The following PTPN13 variants were observed in gnomAD, a reference collection of about 807,000 sequenced individuals.
PTPN13 encodes the protein tyrosine-protein phosphatase non-receptor type 13.
In PTPN13, 191 loss-of-function variants were observed where a neutral mutation model predicts 284.0. The ratio of observed to expected loss-of-function variants is 0.67; its 90% CI spans 0.60 to 0.76. The LOEUF is 0.76. Among genes scored for constraint, PTPN13 ranks in the 30% least tolerant of loss-of-function variants. The pLI, the probability that PTPN13 is intolerant of heterozygous loss-of-function variation, is 0.00. For missense variants in PTPN13, 2,797 were observed against 2,939.9 expected, an observed-to-expected ratio of 0.95 and a Z score of 1.12; for synonymous variants, 986 against 1,022.3, an observed-to-expected ratio of 0.96 and a Z score of 0.68.
intron 10 of PTPN13, among the ~76,000 whole-genome samples, chr4:86,727,956 C>G (rs1344554368): frequency 1.3e-5 from 2 of 149,566 alleles, no homozygotes; most frequent in African/African-American, 2.4e-5. Flanking sequence ...GCATTTAGTG[C>G]TATAAATTTC....
chr4:86,627,114 A>G (rs890217277), intron 1 of PTPN13, among the ~76,000 whole-genome samples: 2 of 152,132 alleles, frequency 1.3e-5, no homozygotes, highest in Non-Finnish European at 2.9e-5. Flanking sequence ...GTCATTTAGG[A>G]CAAGTACTAA....
At chr4:86,708,870 C>T (rs1440447207) in intron 7 of PTPN13, among the ~76,000 whole-genome samples, 2 of 151,826 alleles carry the variant, frequency 1.3e-5, no homozygotes, top group East Asian at 3.9e-4. Context: ...TTATATCTCT[C>T]CTCTCATCTT....
At chr4:86,640,053 CAG>C (rs1004428400) in intron 2 of PTPN13, among the ~76,000 whole-genome samples, 1 of 152,100 alleles carries the variant, frequency 6.6e-6, no homozygotes, top group African/African-American at 2.4e-5. Flanking sequence ...GGTCTAGAGA[CAG>C]GGGAAGAGTG....
chr4:86,717,487 G>GT (rs900174360), intron 9 of PTPN13, among the ~76,000 whole-genome samples: 2 of 151,802 alleles, frequency 1.3e-5, no homozygotes, highest in African/African-American at 2.4e-5. Flanking sequence ...AGTAGAATTT[G>GT]TTTTTTTACT....
Position 86,624,210 on chromosome 4 carries a change from C to A in PTPN13, c.-5-11042C>A, listed in dbSNP as rs573072422. 2.2e-3 allele frequency among the ~76,000 whole-genome samples: 336 copies of A among 152,088 alleles called. 2 individuals are homozygous for A. The highest frequency in any genetic ancestry group is 7.9e-3 in the African/African-American group (326 of 41,476). On this transcript the variant is annotated intron_variant, in intron 1 of 47. Transcript: ENST00000411767. The stretch of plus-strand genomic sequence containing the variant: ...TTTATACTGCATAGACCCCATAATC[C>A]TTCCCCACAATAACTCCTGCCACAA...
At chr4:86,614,973 A>T (rs535041056) in intron 1 of PTPN13, among the ~76,000 whole-genome samples, 1 of 152,124 alleles carries the variant, frequency 6.6e-6, no homozygotes, top group African/African-American at 2.4e-5. Context: ...TTATTAACTA[A>T]CAAGTTTGAA....
chr4:86,644,254 C>A (rs764199021), intron 2 of PTPN13, among the ~76,000 whole-genome samples: 19 of 152,024 alleles, frequency 1.2e-4, no homozygotes, highest in Non-Finnish European at 2.1e-4. Context: ...GCCTCAGCCT[C>A]CCAAGTAGCT....
At chr4:86,714,793 G>C (rs1001045450) in intron 7 of PTPN13, among the ~76,000 whole-genome samples, 7 of 152,162 alleles carry the variant, frequency 4.6e-5, no homozygotes, top group African/African-American at 1.7e-4. Context: ...GTACTTGCTA[G>C]ACTAGGTACT....
At position 86,681,033 on chromosome 4, in the gene PTPN13, G is replaced by GTGATGATGATGA. The variant is rs369292424; in HGVS notation, c.295-5671_295-5660dup. Among the ~76,000 whole-genome samples, 19 of 152,158 alleles carry GTGATGATGATGA rather than the reference G, an allele frequency of 1.2e-4. No individual in the cohort carries two copies. In the South Asian group the frequency reaches 2.5e-3, roughly 20 times the overall value. The stretch of plus-strand genomic sequence containing the variant: ...AGAAAAGATGATGATTTTGATGATG[G>GTGATGATGATGA]TGATGATGATGATGATGTGCAGGGA... On this transcript the variant is annotated intron_variant, in intron 3 of 47. Coordinates refer to ENST00000411767, the MANE Select transcript of PTPN13 (RefSeq NM_080683.3).
At chr4:86,596,009 A>G (rs1763728509) in intron 1 of PTPN13, among the ~76,000 whole-genome samples, 1 of 152,092 alleles carries the variant, frequency 6.6e-6, no homozygotes. Context: ...TATCACTAGG[A>G]GCATTTGTTA....
Position 86,618,563 on chromosome 4 carries a change from A to G in PTPN13, c.-5-16689A>G, listed in dbSNP as rs1245230739. Among the ~76,000 whole-genome samples, 13 of 152,250 alleles carry G rather than the reference A, an allele frequency of 8.5e-5. No homozygotes were observed. The East Asian group carries it at 1.9e-3, about 23-fold the overall frequency. ...ATTGATTCTTCCTACCCATGAGCAT[A>G]GACTGTTCTTCCATTTGTTTGTATC... On this transcript the variant is annotated intron_variant, in intron 1 of 47. Coordinates refer to ENST00000411767, the MANE Select transcript of PTPN13 (RefSeq NM_080683.3).
intron 22 of PTPN13, 77 bp from the exon 23 acceptor site, chr4:86,758,865 A>C: frequency 1.5e-5 from 24 of 1,583,314 alleles, no homozygotes; most frequent in Non-Finnish European, 1.9e-5. Context: ...AAAATAATTG[A>C]GAAAGAGATG....
intron 20 of PTPN13, among the ~76,000 whole-genome samples, chr4:86,755,823 A>C (rs189757306): frequency 5.3e-5 from 8 of 152,098 alleles, no homozygotes; most frequent in South Asian, 2.1e-4. Flanking sequence ...TATTAAATGC[A>C]TTTTTGACTT....
intron 7 of PTPN13, among the ~76,000 whole-genome samples, chr4:86,705,298 C>T (rs1731624805): frequency 7.1e-6 from 1 of 140,952 alleles, no homozygotes; most frequent in African/African-American, 2.7e-5. Context: ...CGTGCCATTG[C>T]ACTGCAGCCT....
intron 1 of PTPN13, among the ~76,000 whole-genome samples, chr4:86,616,021 G>T (rs1720508261): frequency 6.6e-6 from 1 of 152,156 alleles, no homozygotes; most frequent in Non-Finnish European, 1.5e-5. Context: ...TAAATAATGA[G>T]CACTGAATAA....
chr4:86,647,459 A>G (rs1007937427), intron 2 of PTPN13, among the ~76,000 whole-genome samples: 1 of 151,590 alleles, frequency 6.6e-6, no homozygotes, highest in Non-Finnish European at 1.5e-5. Flanking sequence ...AATATATGAT[A>G]ATATAATTTT....
At position 86,797,447 on chromosome 4, in the gene PTPN13, G is replaced by A. The variant is rs187525611; in HGVS notation, c.6401+518G>A. On this transcript the variant is annotated intron_variant, in intron 41 of 47. Coordinates refer to ENST00000411767, the MANE Select transcript of PTPN13 (RefSeq NM_080683.3). Reference sequence around the variant, plus strand: ...GTGGATGTTACAGTGAGCCGAGATCGCGCCACTGTACTCCAGCCTGAGCAA... The same window carrying A: ...GTGGATGTTACAGTGAGCCGAGATCACGCCACTGTACTCCAGCCTGAGCAA... Among the ~76,000 whole-genome samples the A allele has an allele frequency of 1.8e-3, 266 of 151,820 alleles. 1 individual carries two copies. Among genetic ancestry groups the A allele is most frequent in the African/African-American group, 5.8e-3 (239 of 41,374 alleles).
At chr4:86,731,805 G>C (rs527771211) in intron 10 of PTPN13, among the ~76,000 whole-genome samples, 1 of 152,224 alleles carries the variant, frequency 6.6e-6, no homozygotes, top group African/African-American at 2.4e-5. Flanking sequence ...ACAGTGCCCA[G>C]CTAATTTTTT....
At chr4:86,687,451 A>G (rs1272404172) in intron 4 of PTPN13, among the ~76,000 whole-genome samples, 1 of 152,214 alleles carries the variant, frequency 6.6e-6, no homozygotes, top group African/African-American at 2.4e-5. Flanking sequence ...TCAAGGCAAG[A>G]TATAACATAT....
Sources: allele counts gnomAD v4.1 joint callset (sites outside exome capture counted in the v4.1 genomes callset), GRCh38; gene constraint gnomAD v4.1.1; transcripts MANE v1.5; gene names NCBI Gene and HGNC (gene_info 2026-07-23, HGNC 2026-07-21).